FSTL5: variants seen among roughly 807,000 people sequenced by gnomAD.
FSTL5 encodes follistatin like 5, also known as follistatin-related protein 5.
In FSTL5, 62 loss-of-function variants were observed where a neutral mutation model predicts 89.1. The observed-to-expected ratio is 0.70, with a 90% CI of 0.57 to 0.86. The LOEUF (loss-of-function observed/expected upper bound fraction) is 0.86, where lower values mean the gene tolerates loss of function less well. FSTL5 is among the 40% of genes least tolerant of loss of function. The pLI is 0.00. For synonymous variants in FSTL5, 383 were observed against 346.2 expected, an observed-to-expected ratio of 1.11 and a Z score of -1.18; for missense variants, 1,057 against 1,001.6, an observed-to-expected ratio of 1.06 and a Z score of -0.75.
At chr4:161,763,348 T>C (rs1375283672) in intron 5 of FSTL5, among the ~76,000 whole-genome samples, 1 of 151,872 alleles carries the variant, frequency 6.6e-6, no homozygotes, top group Non-Finnish European at 1.5e-5. Context: ...AGAAGAAAAA[T>C]TGAATGTGCC....
intron 6 of FSTL5, among the ~76,000 whole-genome samples, chr4:161,689,997 G>T (rs1737875837): frequency 6.6e-6 from 1 of 152,084 alleles, no homozygotes; most frequent in African/African-American, 2.4e-5. Context: ...TTCATGGCTG[G>T]ATAATGTTCC....
At chr4:162,074,571 T>C (rs17041901) in intron 2 of FSTL5, among the ~76,000 whole-genome samples, 8,314 of 151,830 alleles carry the variant, frequency 0.055, 316 homozygotes, top group East Asian at 0.11. Context: ...TACTGTGCAC[T>C]GTGGAATTGT....
intron 7 of FSTL5, among the ~76,000 whole-genome samples, chr4:161,590,746 A>G (rs539354557): frequency 6.6e-6 from 1 of 152,304 alleles, no homozygotes; most frequent in East Asian, 1.9e-4. Context: ...GACAATTGCA[A>G]GTGTTGGAGA....
intron 7 of FSTL5, among the ~76,000 whole-genome samples, chr4:161,617,259 T>G (rs1734907659): frequency 6.6e-6 from 1 of 152,068 alleles, no homozygotes; most frequent in South Asian, 2.1e-4. Context: ...AAGTATTTAG[T>G]GTAAATTGGT....
chr4:161,639,670 A>C (rs1349126672), intron 7 of FSTL5, among the ~76,000 whole-genome samples: 1 of 152,138 alleles, frequency 6.6e-6, no homozygotes, highest in African/African-American at 2.4e-5. Context: ...TTTGAGATGA[A>C]TTTCAGTCAA....
chr4:161,400,024 AC>A (rs1436880599), intron 15 of FSTL5, among the ~76,000 whole-genome samples: 1 of 152,126 alleles, frequency 6.6e-6, no homozygotes, highest in Non-Finnish European at 1.5e-5. Flanking sequence ...AATAAAATAG[AC>A]TAGTATCTAA....
intron 4 of FSTL5, among the ~76,000 whole-genome samples, chr4:161,852,201 T>C (rs1731577003): frequency 6.6e-6 from 1 of 151,700 alleles, no homozygotes; most frequent in Non-Finnish European, 1.5e-5. Flanking sequence ...ATATATTTAT[T>C]TGAAATCATA....
chr4:162,096,477 G>C (rs1473535924), intron 2 of FSTL5, among the ~76,000 whole-genome samples: 2 of 151,664 alleles, frequency 1.3e-5, no homozygotes, highest in Non-Finnish European at 3.0e-5. Flanking sequence ...AAGAGGGCTG[G>C]CTGCTCAACC....
chr4:161,881,622 A>G (rs1732636341), intron 4 of FSTL5, among the ~76,000 whole-genome samples: 1 of 152,042 alleles, frequency 6.6e-6, no homozygotes, highest in South Asian at 2.1e-4. Context: ...ATGCTCTACA[A>G]ACTCCAGTGA....
chr4:161,498,381 T>C lies in FSTL5; in HGVS notation c.1458+1635A>G, dbSNP rs1434624903. ...TAACTCACCCAGAGCTGTCAAGAAA[T>C]GTTCTGGGAAAGCATGCTCTTTAAG... On this transcript the variant is annotated intron_variant, in intron 12 of 15. Coordinates refer to ENST00000306100, the MANE Select transcript of FSTL5 (RefSeq NM_020116.5). Among the ~76,000 whole-genome samples, 3 of 152,180 alleles carry C rather than the reference T, an allele frequency of 2.0e-5. No homozygotes were observed. The South Asian group carries it at 6.2e-4, about 31-fold the overall frequency.
intron 15 of FSTL5, among the ~76,000 whole-genome samples, chr4:161,396,359 C>T (rs1265536760): frequency 2.0e-5 from 3 of 151,612 alleles, no homozygotes; most frequent in Non-Finnish European, 2.9e-5. Context: ...AAGTAAGACA[C>T]AGCTGGGTAC....
intron 3 of FSTL5, among the ~76,000 whole-genome samples, chr4:161,957,076 A>G (rs1735045297): frequency 6.6e-6 from 1 of 152,026 alleles, no homozygotes; most frequent in Admixed American, 6.6e-5. Context: ...GATGCTAACA[A>G]AAATAAATTA....
chr4:161,944,025 T>A (rs1734669355), intron 3 of FSTL5, among the ~76,000 whole-genome samples: 1 of 152,120 alleles, frequency 6.6e-6, no homozygotes, highest in Non-Finnish European at 1.5e-5. Flanking sequence ...TTCTGCAGGG[T>A]TCTAAAATAA....
intron 4 of FSTL5, among the ~76,000 whole-genome samples, chr4:161,780,196 TATAATTATTTA>T (rs1048969422): frequency 5.3e-5 from 8 of 149,910 alleles, no homozygotes; most frequent in South Asian, 2.1e-4. Context: ...TAAATAATTG[TATAATTATTTA>T]ATAATTATTT....
chr4:161,607,897 T>A (rs1369796135), intron 7 of FSTL5, among the ~76,000 whole-genome samples: 2 of 152,148 alleles, frequency 1.3e-5, no homozygotes, highest in Non-Finnish European at 2.9e-5. Flanking sequence ...CACATGTGCA[T>A]GTTTTTTCCA....
At chr4:161,772,575 C>G (rs576793291) in intron 5 of FSTL5, among the ~76,000 whole-genome samples, 1 of 152,180 alleles carries the variant, frequency 6.6e-6, no homozygotes, top group African/African-American at 2.4e-5. Flanking sequence ...AGAATCAAAT[C>G]AAGAACTCAA....
At chr4:162,056,262 G>C (rs1165520998) in intron 2 of FSTL5, among the ~76,000 whole-genome samples, 1 of 152,062 alleles carries the variant, frequency 6.6e-6, no homozygotes, top group East Asian at 1.9e-4. Flanking sequence ...ATATATGAAT[G>C]GGACCAAGAA....
chr4:161,394,581 C>T (rs570185216), intron 15 of FSTL5, among the ~76,000 whole-genome samples: 12 of 152,090 alleles, frequency 7.9e-5, no homozygotes, highest in East Asian at 3.9e-4. Context: ...GGCCAATACA[C>T]GTAATTTTAA....
At chr4:162,085,470 A>G (rs943366902) in intron 2 of FSTL5, among the ~76,000 whole-genome samples, 1 of 152,118 alleles carries the variant, frequency 6.6e-6, no homozygotes, top group African/African-American at 2.4e-5. Context: ...AAAATCAAAT[A>G]TGTAATATTT....
Sources: allele counts gnomAD v4.1 joint callset (sites outside exome capture counted in the v4.1 genomes callset), GRCh38; gene constraint gnomAD v4.1.1; transcripts MANE v1.5; gene names NCBI Gene and HGNC (gene_info 2026-07-23, HGNC 2026-07-21).